TAGLN: variants seen among roughly 807,000 people sequenced by gnomAD.
The protein encoded by TAGLN is 22 kDa actin-binding protein.
Under a neutral mutation model 21.9 loss-of-function variants are expected in TAGLN, and 16 were observed. That is an observed-to-expected ratio of 0.73 (90% CI 0.49 to 1.11). The LOEUF (loss-of-function observed/expected upper bound fraction) is 1.11, where lower values mean the gene tolerates loss of function less well. Ranked by LOEUF, TAGLN falls within the 50% of genes least tolerant of loss-of-function variation. The pLI, the probability that TAGLN is intolerant of heterozygous loss-of-function variation, is 0.00. For missense variants in TAGLN, 248 were observed against 263.2 expected (o/e 0.94, Z 0.40); for synonymous variants, 96 against 94.9 (o/e 1.01, Z -0.06).
Position 117,203,439 on chromosome 11 carries a change from G to A in TAGLN, c.313G>A (p.Gly105Arg). 1 of 1,614,172 alleles carries A rather than the reference G, an allele frequency of 6.2e-7. No homozygotes were observed. The highest frequency in any genetic ancestry group is 8.5e-7 in the Non-Finnish European group (1 of 1,180,028). ...GTTCCTGAAGGCGGCTGAGGACTAT[G>A]GGGTCATCAAGACTGACATGTTCCA... is the stretch of plus-strand genomic sequence containing the variant. ...AQFLKAAEDY[G>R]VIKTDMFQTV... The change falls in exon 3 of 5, where the codon GGG becomes AGG. Residue 105 changes from glycine to arginine, a missense_variant. By Grantham distance (125) the Gly-to-Arg change is moderately radical (BLOSUM62 -2). Coordinates refer to ENST00000392951, the MANE Select transcript of TAGLN (RefSeq NM_003186.5). The surrounding 1 kb of genome is among the most constrained non-coding windows in gnomAD (Gnocchi z 4.4).
Position 117,205,064 on chromosome 11 carries a change from T to C in TAGLN, c.*705T>C. On this transcript the variant is annotated 3_prime_UTR_variant, in exon 5 of 5. Transcript: ENST00000392951. ...GACAGAGGAAAGGAGAGATTGCGAG[T>C]GGCAGAATTGTTTGGAAGGTTTTTA... 4.6e-6 allele frequency: 1 copy of C among 217,630 alleles called. No homozygotes were observed. Among genetic ancestry groups the C allele is most frequent in the Non-Finnish European group, 9.3e-6 (1 of 107,998 alleles). The allele number at this position is 217,630 out of a possible 1,614,324, so 13.5% of individuals were successfully genotyped here.
At position 117,204,223 on chromosome 11, in the gene TAGLN, A is replaced by G. The variant is rs1443318801; in HGVS notation, c.470A>G (p.Gln157Arg). 2 of 1,614,116 alleles carry G rather than the reference A, an allele frequency of 1.2e-6. No individual in the cohort carries two copies. Among genetic ancestry groups the G allele is most frequent in the Non-Finnish European group, 8.5e-7 (1 of 1,180,038 alleles). ...GGTTCCTCCTCTTCTAGGAAAGCGC[A>G]GGAGCATAAGAGGGAATTCACAGAG... is the stretch of plus-strand genomic sequence containing the variant. ...GDPNWFMKKAQEHKREFTESQ... is the reference protein window; with the variant it reads ...GDPNWFMKKAREHKREFTESQ... The change falls in exon 5 of 5, where the codon CAG becomes CGG. Residue 157 changes from glutamine to arginine, a missense_variant. By Grantham distance (43) the Gln-to-Arg change is conservative (BLOSUM62 1). Transcript: ENST00000392951.
intron 1 of TAGLN, among the ~76,000 whole-genome samples, chr11:117,200,656 G>T (rs1488383548): frequency 1.3e-5 from 2 of 152,226 alleles, no homozygotes; most frequent in African/African-American, 4.8e-5. Context: ...GTGGTGCTGG[G>T]TGGGAGTGGG....
chr11:117,203,970 C>CAGAT lies in TAGLN; in HGVS notation c.461+89_461+92dup. On this transcript the variant is annotated intron_variant, in intron 4 of 4. Coordinates refer to ENST00000392951, the MANE Select transcript of TAGLN (RefSeq NM_003186.5). This position sits in a 1 kb window ranked among gnomAD's most constrained non-coding sequence, Gnocchi z 4.4. Reference sequence around the variant, plus strand: ...AGCTTGCGGGAAGGATTAGGGGAAGCAGATAGCCAAGAAAGGATAAAGTGA... The same window carrying CAGAT: ...AGCTTGCGGGAAGGATTAGGGGAAGCAGATAGATAGCCAAGAAAGGATAAAGTGA... 1 of 1,272,132 alleles carries CAGAT rather than the reference C, an allele frequency of 7.9e-7. No homozygotes were observed. Among genetic ancestry groups the CAGAT allele is most frequent in the Non-Finnish European group, 1.1e-6 (1 of 880,030 alleles). 78.8% of individuals were successfully genotyped at this position (1,272,132 alleles called of 1,614,324 possible).
Position 117,203,606 on chromosome 11 carries a change from A to G in TAGLN, c.358+122A>G. On this transcript the variant is annotated intron_variant, in intron 3 of 4. Transcript: ENST00000392951. The surrounding 1 kb of genome is among the most constrained non-coding windows in gnomAD (Gnocchi z 4.4). ...CTTGCCCGCACACAGCAGGGATGGGATATGCCGAGAATAACACGCCACGCT... is the reference window on the plus strand; with the variant it reads ...CTTGCCCGCACACAGCAGGGATGGGGTATGCCGAGAATAACACGCCACGCT... The G allele has an allele frequency of 7.7e-7, 1 of 1,303,558 alleles. No homozygotes were observed. Among genetic ancestry groups the G allele is most frequent in the Non-Finnish European group, 1.1e-6 (1 of 938,368 alleles). The allele number at this position is 1,303,558 out of a possible 1,614,324, so 80.7% of individuals were successfully genotyped here.
chr11:117,201,443 T>G (rs1347352790), intron 1 of TAGLN: 1 of 152,100 alleles, frequency 6.6e-6, no homozygotes, highest in African/African-American at 2.4e-5. Flanking sequence ...TTTTCACTCC[T>G]TGGTCAAGGG....
rs565629794 is a variant in TAGLN, at chr11:117,203,548, G to C, written c.358+64G>C. 3.2e-6 allele frequency: 5 copies of C among 1,570,486 alleles called. No homozygotes were observed. In the African/African-American group the frequency reaches 4.0e-5, roughly 13 times the overall value. On this transcript the variant is annotated intron_variant, in intron 3 of 4. Transcript: ENST00000392951. The surrounding 1 kb of genome is among the most constrained non-coding windows in gnomAD (Gnocchi z 4.4). ...GACAGGGTGCTGGGACAGGGAGAGG[G>C]AATGACCAGAATATGCCACAACTAG...
Position 117,206,212 on chromosome 11 carries a change from C to T in TAGLN, c.*1853C>T, listed in dbSNP as rs550551042. On this transcript the variant is annotated 3_prime_UTR_variant, in exon 5 of 5. Transcript: ENST00000392951. ...ACTGATTCTAGCTCTGTCCCTTCCT[C>T]CTTGGCTTTCCGGCTCCGATGGGGC... 6 of 1,614,186 alleles carry T rather than the reference C, an allele frequency of 3.7e-6. No homozygotes were observed. In the East Asian group the frequency reaches 1.3e-4, roughly 36 times the overall value.
Position 117,203,978 on chromosome 11 carries a change from C to T in TAGLN, c.461+94C>T. 8.1e-7 allele frequency: 1 copy of T among 1,231,270 alleles called. No individual in the cohort carries two copies. Among genetic ancestry groups the T allele is most frequent in the East Asian group, 2.4e-5 (1 of 42,046 alleles). 76.3% of individuals were successfully genotyped at this position (1,231,270 alleles called of 1,614,324 possible). ...GGAAGGATTAGGGGAAGCAGATAGCCAAGAAAGGATAAAGTGAGGGTCTGG... is the reference window on the plus strand; with the variant it reads ...GGAAGGATTAGGGGAAGCAGATAGCTAAGAAAGGATAAAGTGAGGGTCTGG... On this transcript the variant is annotated intron_variant, in intron 4 of 4. Coordinates refer to ENST00000392951, the MANE Select transcript of TAGLN (RefSeq NM_003186.5). The surrounding 1 kb of genome is among the most constrained non-coding windows in gnomAD (Gnocchi z 4.4).
intron 4 of TAGLN, 101 bp from the exon 5 acceptor site, chr11:117,204,114 G>T (rs938806424): frequency 1.3e-6 from 2 of 1,543,266 alleles, no homozygotes; most frequent in Non-Finnish European, 1.8e-6. Context: ...AAGTGCAACA[G>T]GAAGGCAATG....
chr11:117,205,066 G>A lies in TAGLN; in HGVS notation c.*707G>A. ...CAGAGGAAAGGAGAGATTGCGAGTGGCAGAATTGTTTGGAAGGTTTTTATT... is the reference window on the plus strand; with the variant it reads ...CAGAGGAAAGGAGAGATTGCGAGTGACAGAATTGTTTGGAAGGTTTTTATT... On this transcript the variant is annotated 3_prime_UTR_variant, in exon 5 of 5. Transcript: ENST00000392951. 4.6e-6 allele frequency: 1 copy of A among 218,136 alleles called. No homozygotes were observed. The highest frequency in any genetic ancestry group is 9.2e-6 in the Non-Finnish European group (1 of 108,236). 13.5% of individuals were successfully genotyped at this position (218,136 alleles called of 1,614,324 possible). A position where few individuals can be genotyped will look rare whatever the true frequency, so the allele number is the denominator to read the frequency against.
rs777195974 is a variant in TAGLN, at chr11:117,206,355, G to C, written c.*1996G>C. On this transcript the variant is annotated 3_prime_UTR_variant, in exon 5 of 5. Transcript: ENST00000392951. ...GGTGAAACAGCCTACCAGCACCAGG[G>C]TCTGGGGCCGAGGCAAGCACCTACG... 4 of 1,603,564 alleles carry C rather than the reference G, an allele frequency of 2.5e-6. No homozygotes were observed. The highest frequency in any genetic ancestry group is 2.6e-6 in the Non-Finnish European group (3 of 1,173,336).
In TAGLN at chr11:117,204,591, C is replaced by T. The variant is rs1799862; in HGVS notation, c.*232C>T. ...CCTTGGCCCCTCCCTCCCGGCTGCC[C>T]CCATCACCTCTACTGTCTCCTCCCT... On this transcript the variant is annotated 3_prime_UTR_variant, in exon 5 of 5. Coordinates refer to ENST00000392951, the MANE Select transcript of TAGLN (RefSeq NM_003186.5). 3.1e-6 allele frequency: 2 copies of T among 650,878 alleles called. No homozygotes were observed. Among genetic ancestry groups the T allele is most frequent in the Admixed American group, 4.3e-5 (2 of 46,994 alleles). 40.3% of individuals were successfully genotyped at this position (650,878 alleles called of 1,614,324 possible).
At position 117,206,380 on chromosome 11, in the gene TAGLN, G is replaced by A. The variant is rs561985799; in HGVS notation, c.*2021G>A. ...GTCTGGGGCCGAGGCAAGCACCTAC[G>A]TGAGGCACTGTTTCCCGAAGCCTAC... On this transcript the variant is annotated 3_prime_UTR_variant, in exon 5 of 5. Transcript: ENST00000392951. The A allele has an allele frequency of 1.3e-4, 200 of 1,587,094 alleles. 2 individuals are homozygous for A. The South Asian group carries it at 2.0e-3, about 16-fold the overall frequency.
chr11:117,203,201 G>A lies in TAGLN; in HGVS notation c.180+8G>A, dbSNP rs1230630574. ...TGGCTGAAGAATGGCGTGGTGAGTG[G>A]CACCCTGGGCTAGGGCGCTGGGGGG... is the stretch of plus-strand genomic sequence containing the variant. On this transcript the variant is annotated splice_region_variant and intron_variant, in intron 2 of 4. Transcript: ENST00000392951. The surrounding 1 kb of genome is among the most constrained non-coding windows in gnomAD (Gnocchi z 4.4). 1 of 1,589,690 alleles carries A rather than the reference G, an allele frequency of 6.3e-7. No individual in the cohort carries two copies. Among genetic ancestry groups the A allele is most frequent in the Non-Finnish European group, 8.6e-7 (1 of 1,165,142 alleles).
At position 117,203,350 on chromosome 11, in the gene TAGLN, A is replaced by G; in HGVS notation, c.224A>G (p.Lys75Arg). 15 of 1,614,168 alleles carry G rather than the reference A, an allele frequency of 9.3e-6. No individual in the cohort carries two copies. Among genetic ancestry groups the G allele is most frequent in the Non-Finnish European group, 1.2e-5 (14 of 1,180,018 alleles). The change falls in exon 3 of 5, where the codon AAG (lysine) becomes AGG (arginine). Residue 75 changes from lysine (K) to arginine (R), a missense_variant. Lys to Arg is a conservative substitution (Grantham distance 26). Coordinates refer to ENST00000392951, the MANE Select transcript of TAGLN (RefSeq NM_003186.5). The surrounding 1 kb of genome is among the most constrained non-coding windows in gnomAD (Gnocchi z 4.4). Reference sequence around the variant, plus strand: ...AACAGCCTGTACCCTGATGGCTCCAAGCCGGTGAAGGTGCCCGAGAACCCA... The same window carrying G: ...AACAGCCTGTACCCTGATGGCTCCAGGCCGGTGAAGGTGCCCGAGAACCCA... ...LVNSLYPDGS[K>R]PVKVPENPPS... is the part of the protein sequence containing the mutation.
At position 117,204,261 on chromosome 11, in the gene TAGLN, G is replaced by T; in HGVS notation, c.508G>T (p.Glu170Ter). 6.2e-7 allele frequency: 1 copy of T among 1,614,242 alleles called. No homozygotes were observed. The highest frequency in any genetic ancestry group is 8.5e-7 in the Non-Finnish European group (1 of 1,180,034). Residue 170 changes from glutamate (E) to a stop codon, truncating the protein, a stop_gained, in exon 5 of 5, where the codon GAG (glutamate) becomes TAG (stop). Transcript: ENST00000392951. LOFTEE classifies it high-confidence loss of function. ...GGAATTCACAGAGAGCCAGCTGCAGGAGGGAAAGCATGTCATTGGCCTTCA... is the reference window on the plus strand; with the variant it reads ...GGAATTCACAGAGAGCCAGCTGCAGTAGGGAAAGCATGTCATTGGCCTTCA... Reference protein sequence around the residue: ...KREFTESQLQEGKHVIGLQMG... With the variant: ...KREFTESQLQ
chr11:117,203,812 T>G lies in TAGLN; in HGVS notation c.389T>G (p.Leu130Arg). 2 of 1,613,992 alleles carry G rather than the reference T, an allele frequency of 1.2e-6. No individual in the cohort carries two copies. Among genetic ancestry groups the G allele is most frequent in the Non-Finnish European group, 1.7e-6 (2 of 1,179,906 alleles). ...GACATGGCAGCAGTGCAGAGGACCC[T>G]GATGGCTTTGGGCAGCTTGGCAGTG... ...GKDMAAVQRT[L>R]MALGSLAVTK... is the part of the protein sequence containing the mutation. The change falls in exon 4 of 5, where the codon CTG (leucine) becomes CGG (arginine). Residue 130 changes from leucine to arginine, a missense_variant. Transcript: ENST00000392951. The surrounding 1 kb of genome is among the most constrained non-coding windows in gnomAD (Gnocchi z 4.4).
At chr11:117,201,190 G>C (rs1408633970) in intron 1 of TAGLN, 1 of 152,298 alleles carries the variant, frequency 6.6e-6, no homozygotes, top group Non-Finnish European at 1.5e-5. Context: ...AGGGAGAGGG[G>C]TGGCTGGGCC....
Sources: gnomAD v4.1 joint callset for allele counts (sites outside exome capture counted in the v4.1 genomes callset) on GRCh38, gnomAD v4.1.1 for gene constraint, Gnocchi (gnomAD v3.1) non-coding constraint, MANE v1.5 for transcripts, NCBI Gene and HGNC (gene_info 2026-07-23, HGNC 2026-07-21) for gene names.